Variants in KLF15 observed in about 807,000 individuals in gnomAD.
KLF15 encodes the protein Krueppel-like factor 15.
KLF15 carries 4 observed loss-of-function variants against 24.6 expected under a neutral mutation model. The ratio of observed to expected loss-of-function variants is 0.16; its 90% CI spans 0.08 to 0.37. KLF15 has a LOEUF of 0.37. Ranked by LOEUF, KLF15 falls within the 10% of genes least tolerant of loss-of-function variation. The probability of loss-of-function intolerance (pLI) is 1.00; values close to 1 mark genes in which losing one functional copy is unlikely to be tolerated. For synonymous variants in KLF15, 246 were observed against 236.3 expected (o/e 1.04, Z -0.37); for missense variants, 496 against 560.6 (o/e 0.88, Z 1.16).
rs764610722 is a variant in KLF15 at position 126,351,973 on chromosome 3, A to T, written c.950T>A (p.Leu317His). 6.2e-6 allele frequency: 10 copies of T among 1,602,976 alleles called. No individual in the cohort carries two copies. The South Asian group carries it at 1.1e-4, about 18-fold the overall frequency. The part of the protein sequence containing the change: ...QKFPKNPAAE[L>H]IKMHKCTFPG... ...GAAAGTACATTTGTGCATTTTGATGAGTTCTGCGGCTGGGTTCTTGGGGAA... is the reference window on the plus strand; with the variant it reads ...GAAAGTACATTTGTGCATTTTGATGTGTTCTGCGGCTGGGTTCTTGGGGAA... Residue 317 changes from leucine to histidine, a missense_variant, in exon 2 of 3, where the codon CTC (leucine) becomes CAC (histidine). By Grantham distance (99) the Leu-to-His change is moderately conservative. This residue lies in a region of KLF15 where 399 missense variants were observed against 423.1 expected (regional missense o/e 0.94). Coordinates refer to ENST00000296233, the MANE Select transcript of KLF15 (RefSeq NM_014079.4).
the KLF15 span, among the ~76,000 whole-genome samples, chr3:126,292,559 C>G: frequency 1.3e-5 from 2 of 152,154 alleles, no homozygotes; most frequent in Non-Finnish European, 2.9e-5. Context: ...GCCCTGCTCT[C>G]ACGGATGGGC....
the KLF15 span, among the ~76,000 whole-genome samples, chr3:126,317,791 C>T: frequency 6.6e-6 from 1 of 152,150 alleles, no homozygotes; most frequent in Non-Finnish European, 1.5e-5. Context: ...TTCATTCCTG[C>T]TCTAAAACTT....
rs1287035129 is a variant in KLF15, at chr3:126,356,550, G to C, written c.-26+687C>G. Among the ~76,000 whole-genome samples, 1 of 152,156 alleles carries C rather than the reference G, an allele frequency of 6.6e-6. No homozygotes were observed. The highest frequency in any genetic ancestry group is 2.4e-5 in the African/African-American group (1 of 41,440). Reference sequence around the variant, plus strand: ...AGCGGACGGGGACTCAGCGTGGAGTGAGACGCGTGAACGGTGCGGGTGTGC... The same window carrying C: ...AGCGGACGGGGACTCAGCGTGGAGTCAGACGCGTGAACGGTGCGGGTGTGC... On this transcript the variant is annotated intron_variant, in intron 1 of 2. Coordinates refer to ENST00000296233, the MANE Select transcript of KLF15 (RefSeq NM_014079.4). The surrounding 1 kb of genome is among the most constrained non-coding windows in gnomAD (Gnocchi z 4.4).
downstream of KLF15, among the ~76,000 whole-genome samples, chr3:126,339,304 C>T (rs568666183): frequency 4.9e-4 from 75 of 152,218 alleles, no homozygotes; most frequent in Non-Finnish European, 9.6e-4. Flanking sequence ...GATTTTAACT[C>T]TGCCCTGCAT....
chr3:126,291,003 C>T, the KLF15 span: 2 of 152,212 alleles, frequency 1.3e-5, no homozygotes, highest in Non-Finnish European at 2.9e-5. Context: ...AACATTCTCC[C>T]ACAACCAGGA....
the KLF15 span, among the ~76,000 whole-genome samples, chr3:126,293,215 T>C: frequency 6.6e-6 from 1 of 150,500 alleles, no homozygotes; most frequent in Admixed American, 6.6e-5. Context: ...CTTGGGAGGC[T>C]GAAGTGGGAG....
the KLF15 span, among the ~76,000 whole-genome samples, chr3:126,315,608 G>A: frequency 2.2e-4 from 34 of 152,176 alleles, no homozygotes; most frequent in Admixed American, 1.1e-3. Context: ...CAGGCTCCGA[G>A]GGCCAGCACA....
chr3:126,338,324 A>T (rs553450436), downstream of KLF15, among the ~76,000 whole-genome samples: 2 of 152,328 alleles, frequency 1.3e-5, no homozygotes, highest in South Asian at 4.1e-4. Context: ...ATGACCGTCC[A>T]CGCCTTGTCC....
the KLF15 span, among the ~76,000 whole-genome samples, chr3:126,316,203 G>T: frequency 6.6e-6 from 1 of 152,106 alleles, no homozygotes; most frequent in Middle Eastern, 3.4e-3. Context: ...GGGAGTGCAC[G>T]GGCGGAGTGG....
At chr3:126,293,659 A>G in the KLF15 span, among the ~76,000 whole-genome samples, 2 of 152,170 alleles carry the variant, frequency 1.3e-5, no homozygotes, top group African/African-American at 4.8e-5. Context: ...GAAAGTGCTC[A>G]TGGTGGTGCC....
chr3:126,310,083 T>G, the KLF15 span, among the ~76,000 whole-genome samples: 1 of 152,224 alleles, frequency 6.6e-6, no homozygotes. Context: ...ACCCTCACAC[T>G]GCAGAAGGCA....
chr3:126,301,328 C>G, the KLF15 span, among the ~76,000 whole-genome samples: 1 of 152,202 alleles, frequency 6.6e-6, no homozygotes, highest in East Asian at 1.9e-4. Flanking sequence ...CCTTGTTTTG[C>G]TAATTGTAGA....
At chr3:126,338,601 G>A (rs990903877), downstream of KLF15, among the ~76,000 whole-genome samples, 2 of 152,130 alleles carry the variant, frequency 1.3e-5, no homozygotes, top group African/African-American at 4.8e-5. Flanking sequence ...TATCATGGGG[G>A]ATTTACAGCC....
chr3:126,354,533 G>A (rs2082615358), intron 1 of KLF15, among the ~76,000 whole-genome samples: 1 of 152,154 alleles, frequency 6.6e-6, no homozygotes, highest in Non-Finnish European at 1.5e-5. Flanking sequence ...AGGACCTTTA[G>A]CCCCAGTTCC....
the KLF15 span, among the ~76,000 whole-genome samples, chr3:126,330,308 C>A: frequency 6.6e-6 from 1 of 152,320 alleles, no homozygotes; most frequent in African/African-American, 2.4e-5. Context: ...TGTTTCAGAG[C>A]ACTGAGCTTT....
At chr3:126,313,637 T>G in the KLF15 span, among the ~76,000 whole-genome samples, 1 of 152,198 alleles carries the variant, frequency 6.6e-6, no homozygotes, top group African/African-American at 2.4e-5. Flanking sequence ...TTTTTCACAC[T>G]TGTCATCCTC....
chr3:126,306,905 C>T, the KLF15 span, among the ~76,000 whole-genome samples: 5,966 of 152,296 alleles, frequency 0.039, 388 homozygotes, highest in African/African-American at 0.14. Flanking sequence ...TCCACTCTCC[C>T]TCCACTCCAC....
the KLF15 span, among the ~76,000 whole-genome samples, chr3:126,324,806 C>CTTTTTTTTTTT: frequency 1.7e-5 from 1 of 59,580 alleles, no homozygotes; most frequent in Non-Finnish European, 3.0e-5. Context: ...TTTTTTCGCT[C>CTTTTTTTTTTT]TTTTTTTTTT....
At chr3:126,353,187 C>T (rs2082601654) in intron 1 of KLF15, among the ~76,000 whole-genome samples, 1 of 152,206 alleles carries the variant, frequency 6.6e-6, no homozygotes, top group African/African-American at 2.4e-5. Context: ...TGGTTTCAAA[C>T]AGATTTTCCA....
Sources: gnomAD v4.1 joint callset for allele counts (sites outside exome capture counted in the v4.1 genomes callset) on GRCh38, gnomAD v4.1.1 for gene constraint, gnomAD v4.1.1 regional missense constraint, Gnocchi (gnomAD v3.1) non-coding constraint, MANE v1.5 for transcripts, NCBI Gene and HGNC (gene_info 2026-07-23, HGNC 2026-07-21) for gene names.